The following NLRP14 variants were observed in gnomAD, a reference collection of about 807,000 sequenced individuals.
NLRP14 encodes the protein NLR family pyrin domain containing 14, also known as NACHT, LRR and PYD domains-containing protein 14.
Under a neutral mutation model 94.7 loss-of-function variants are expected in NLRP14, and 105 were observed. That is an observed-to-expected ratio of 1.11 (90% CI 0.95 to 1.30). The LOEUF is 1.30. NLRP14 is among the 50% of genes most tolerant of loss of function. The pLI is 0.00. For synonymous variants in NLRP14, 508 were observed against 459.9 expected (o/e 1.10, Z -1.34); for missense variants, 1,362 against 1,254.1 (o/e 1.09, Z -1.30).
At chr11:7,070,965 G>C (rs1852786198) in intron 11 of NLRP14, among the ~76,000 whole-genome samples, 1 of 152,116 alleles carries the variant, frequency 6.6e-6, no homozygotes, top group South Asian at 2.1e-4. Context: ...TTTCTCTTCT[G>C]TTAATTTATT....
chr11:7,066,417 G>A (rs979954313), intron 10 of NLRP14, among the ~76,000 whole-genome samples: 2 of 152,148 alleles, frequency 1.3e-5, no homozygotes, highest in African/African-American at 2.4e-5. Context: ...GGCATGAGAT[G>A]GTATCTCACT....
intron 5 of NLRP14, among the ~76,000 whole-genome samples, chr11:7,047,552 T>A (rs1275468559): frequency 6.6e-6 from 1 of 151,996 alleles, no homozygotes; most frequent in Non-Finnish European, 1.5e-5. Context: ...GAGATCCTCC[T>A]GCCTCAGCCT....
intron 6 of NLRP14, among the ~76,000 whole-genome samples, chr11:7,054,931 T>C (rs1369260755): frequency 2.0e-5 from 3 of 152,142 alleles, no homozygotes; most frequent in African/African-American, 7.2e-5. Flanking sequence ...AGTTTAACAG[T>C]TTGAAGTCTT....
chr11:7,049,216 C>T (rs924683039), intron 5 of NLRP14, among the ~76,000 whole-genome samples: 1 of 152,156 alleles, frequency 6.6e-6, no homozygotes, highest in Non-Finnish European at 1.5e-5. Flanking sequence ...GGGCTGCCTC[C>T]GTACACCTGC....
intron 1 of NLRP14, among the ~76,000 whole-genome samples, chr11:7,029,532 T>C (rs1852062242): frequency 6.6e-6 from 1 of 152,220 alleles, no homozygotes; most frequent in South Asian, 2.1e-4. Context: ...ATCTTTGCGC[T>C]CAGCAAACCT....
chr11:7,033,598 A>G (rs1852124883), intron 1 of NLRP14, among the ~76,000 whole-genome samples: 1 of 152,234 alleles, frequency 6.6e-6, no homozygotes, highest in Non-Finnish European at 1.5e-5. Context: ...GTTAATACAA[A>G]CAGTTTTAAA....
At chr11:7,032,856 G>A (rs956021819) in intron 1 of NLRP14, among the ~76,000 whole-genome samples, 3 of 152,088 alleles carry the variant, frequency 2.0e-5, no homozygotes, top group African/African-American at 7.2e-5. Context: ...AGACTGCACT[G>A]AGCATAAACA....
At chr11:7,025,849 A>C (rs1852008201) in intron 1 of NLRP14, among the ~76,000 whole-genome samples, 1 of 152,220 alleles carries the variant, frequency 6.6e-6, no homozygotes, top group Non-Finnish European at 1.5e-5. Context: ...TGATTAAAAA[A>C]ATACAGTTCT....
chr11:7,053,945 A>ATTCCCCCACTGTGCTTCCTAGC (rs1238000334), intron 6 of NLRP14, among the ~76,000 whole-genome samples: 2 of 151,950 alleles, frequency 1.3e-5, no homozygotes, highest in Non-Finnish European at 2.9e-5. Context: ...TCTTCCCCTC[A>ATTCCCCCACTGTGCTTCCTAGC]TTCCCCCACT....
chr11:7,035,270 G>A (rs1386300711), intron 1 of NLRP14, among the ~76,000 whole-genome samples: 1 of 152,178 alleles, frequency 6.6e-6, no homozygotes, highest in Non-Finnish European at 1.5e-5. Flanking sequence ...AGGTTGCAGT[G>A]AGTGGAGATC....
the NLRP14 span, chr11:7,089,387 C>T: frequency 3.8e-6 from 6 of 1,598,880 alleles, no homozygotes; most frequent in African/African-American, 1.3e-5. Context: ...AACCGGCGTT[C>T]GAGAGCAGCC....
chr11:7,045,767 G>A (rs1199427824), intron 4 of NLRP14, among the ~76,000 whole-genome samples: 1 of 151,278 alleles, frequency 6.6e-6, no homozygotes, highest in African/African-American at 2.4e-5. Flanking sequence ...ACATATATAT[G>A]TATATAACAG....
chr11:7,075,090 T>C (rs572637083), downstream of NLRP14, among the ~76,000 whole-genome samples: 2 of 152,224 alleles, frequency 1.3e-5, no homozygotes, highest in South Asian at 4.2e-4. Context: ...GGTAGTTAAC[T>C]AAGGGGAGGG....
intron 6 of NLRP14, among the ~76,000 whole-genome samples, chr11:7,053,008 T>A (rs1372467424): frequency 6.6e-6 from 1 of 152,176 alleles, no homozygotes; most frequent in Non-Finnish European, 1.5e-5. Context: ...CACAGCTTCA[T>A]AATCATACCA....
At chr11:7,026,824 G>C (rs12146685) in intron 1 of NLRP14, among the ~76,000 whole-genome samples, 2 of 131,898 alleles carry the variant, frequency 1.5e-5, no homozygotes, top group Non-Finnish European at 3.2e-5. Context: ...GGTAGGGGGA[G>C]GGGGGAGGGA....
chr11:7,049,032 T>TGGGGGGG (rs1852401325), intron 5 of NLRP14, among the ~76,000 whole-genome samples: 1 of 97,622 alleles, frequency 1.0e-5, no homozygotes. Flanking sequence ...GGGTGGGTGG[T>TGGGGGGG]GGGCCGAAAG....
intron 5 of NLRP14, among the ~76,000 whole-genome samples, chr11:7,048,708 A>T (rs562857825): frequency 6.6e-6 from 1 of 152,194 alleles, no homozygotes; most frequent in Admixed American, 6.5e-5. Context: ...CATTTCCCCC[A>T]TATTGTCCCT....
At position 7,058,470 on chromosome 11, in the gene NLRP14, T is replaced by C. The variant is rs760778791; in HGVS notation, c.2633+20T>C. 2.6e-6 allele frequency: 4 copies of C among 1,534,412 alleles called. No homozygotes were observed. The highest frequency in any genetic ancestry group is 3.6e-6 in the Non-Finnish European group (4 of 1,107,936). On this transcript the variant is annotated intron_variant, in intron 8 of 11. Coordinates refer to ENST00000299481, the MANE Select transcript of NLRP14 (RefSeq NM_176822.4). The stretch of plus-strand genomic sequence containing the variant: ...CCTTGTGTAAGTGTCTTCAAGTTTT[T>C]ATCCTTAATATATATTGTACATTTT...
intron 11 of NLRP14, 119 bp from the exon 12 acceptor site, chr11:7,071,054 A>G (rs994101279): frequency 8.9e-7 from 1 of 1,128,336 alleles, no homozygotes. Flanking sequence ...ATGTTATAAT[A>G]TTATCTCTCT....
Sources: allele counts gnomAD v4.1 joint callset (sites outside exome capture counted in the v4.1 genomes callset), GRCh38; gene constraint gnomAD v4.1.1; transcripts MANE v1.5; gene names NCBI Gene and HGNC (gene_info 2026-07-23, HGNC 2026-07-21).